MIR2052HG: variants seen among roughly 807,000 people sequenced by gnomAD.
The protein encoded by MIR2052HG is MIR2052 host gene.
intron 2 of MIR2052HG, among the ~76,000 whole-genome samples, chr8:74,648,786 G>A (rs1188417059): frequency 1.3e-5 from 2 of 151,968 alleles, no homozygotes; most frequent in East Asian, 3.8e-4. Context: ...CTGCAAGGAA[G>A]ACAATACTTT....
chr8:74,639,239 C>T (rs547278226), intron 2 of MIR2052HG, among the ~76,000 whole-genome samples: 1 of 152,224 alleles, frequency 6.6e-6, no homozygotes, highest in East Asian at 1.9e-4. Flanking sequence ...ATTTTCAATT[C>T]CTCTGTAGAA....
intron 2 of MIR2052HG, among the ~76,000 whole-genome samples, chr8:74,664,165 T>C (rs1258155424): frequency 6.6e-6 from 1 of 150,712 alleles, no homozygotes; most frequent in Non-Finnish European, 1.5e-5. Flanking sequence ...AAAAAAACTA[T>C]GTATTGCGTA....
At chr8:74,751,578 G>T (rs1194807284) in intron 4 of MIR2052HG, among the ~76,000 whole-genome samples, 1 of 152,172 alleles carries the variant, frequency 6.6e-6, no homozygotes, top group East Asian at 1.9e-4. Flanking sequence ...AGAAACAGTG[G>T]TTCAGTATTT....
chr8:74,623,339 T>G (rs753750129), intron 2 of MIR2052HG, among the ~76,000 whole-genome samples: 5 of 152,188 alleles, frequency 3.3e-5, no homozygotes, highest in Non-Finnish European at 7.3e-5. Flanking sequence ...GGGGACATTT[T>G]ACACGGAGGG....
At chr8:74,643,756 C>T (rs1157237017) in intron 2 of MIR2052HG, among the ~76,000 whole-genome samples, 1 of 152,080 alleles carries the variant, frequency 6.6e-6, no homozygotes, top group African/African-American at 2.4e-5. Flanking sequence ...TCTTAAATTC[C>T]TACCCTTCCC....
In MIR2052HG at chr8:74,654,736, A is replaced by G. The variant is rs144654876; in HGVS notation, n.216+41796A>G. On this transcript the variant is annotated intron_variant and non_coding_transcript_variant, in intron 2 of 6. Transcript: ENST00000523442. ...TTTATTAGCAGTGTGAAAATGGGCT[A>G]ATATAGTAAATTGGTATCAGGAGTA... 2.0e-5 allele frequency among the ~76,000 whole-genome samples: 3 copies of G among 152,234 alleles called. No individual in the cohort carries two copies. In the East Asian group the frequency reaches 5.8e-4, roughly 29 times the overall value.
intron 2 of MIR2052HG, among the ~76,000 whole-genome samples, chr8:74,664,127 G>A (rs1808894849): frequency 6.6e-6 from 1 of 151,412 alleles, no homozygotes. Context: ...TCAGAAGGGA[G>A]AGAGTGGGAA....
intron 1 of MIR2052HG, chr8:74,612,723 C>G: frequency 5.7e-6 from 2 of 350,084 alleles, no homozygotes; most frequent in East Asian, 1.5e-4. Context: ...TCTTAAAAGT[C>G]ATTTTATGCT....
chr8:74,661,801 A>T (rs1808868488), intron 2 of MIR2052HG, among the ~76,000 whole-genome samples: 1 of 152,152 alleles, frequency 6.6e-6, no homozygotes, highest in Admixed American at 6.6e-5. Flanking sequence ...GTATATTTTT[A>T]TGTCCCCTTG....
chr8:74,645,288 CTTT>C (rs1184162899), intron 2 of MIR2052HG, among the ~76,000 whole-genome samples: 3 of 144,142 alleles, frequency 2.1e-5, no homozygotes, highest in East Asian at 2.0e-4. Flanking sequence ...TCTTTTCTTT[CTTT>C]TTTTTTTTTT....
In MIR2052HG at chr8:74,650,810, C is replaced by T. The variant is rs77013265; in HGVS notation, n.216+37870C>T. 7.8e-3 allele frequency among the ~76,000 whole-genome samples: 1,185 copies of T among 152,266 alleles called. 13 individuals are homozygous for T. Among genetic ancestry groups the T allele is most frequent in the Admixed American group, 0.025 (389 of 15,288 alleles). ...TCTACTAAAAGACAAAATGAAGGTG[C>T]ATTTTATTTCAGGCTCTCAGTCTGG... On this transcript the variant is annotated intron_variant and non_coding_transcript_variant, in intron 2 of 6. Transcript: ENST00000523442.
intron 1 of MIR2052HG, chr8:74,612,753 A>G (rs548392133): frequency 9.2e-5 from 35 of 380,920 alleles, no homozygotes; most frequent in African/African-American, 7.0e-4. Context: ...TATTGCTTTT[A>G]ATACATTTTA....
At chr8:74,660,043 A>G (rs946571663) in intron 2 of MIR2052HG, among the ~76,000 whole-genome samples, 2 of 152,202 alleles carry the variant, frequency 1.3e-5, no homozygotes, top group Non-Finnish European at 2.9e-5. Context: ...GAAGAAATCC[A>G]TGCACCTGAG....
At chr8:74,614,450 C>A (rs1007682613) in intron 2 of MIR2052HG, among the ~76,000 whole-genome samples, 3 of 152,034 alleles carry the variant, frequency 2.0e-5, no homozygotes, top group African/African-American at 7.2e-5. Context: ...TATATTGGTG[C>A]TTTTAAATTC....
intron 2 of MIR2052HG, among the ~76,000 whole-genome samples, chr8:74,684,274 T>G (rs946819278): frequency 6.6e-6 from 1 of 151,840 alleles, no homozygotes; most frequent in Non-Finnish European, 1.5e-5. Flanking sequence ...AGCCTCCATA[T>G]TCTTCTGGGA....
rs1807997552 is a variant in MIR2052HG at position 74,601,343 on chromosome 8, G to A, written n.128+1435G>A. Among the ~76,000 whole-genome samples, 5 of 152,294 alleles carry A rather than the reference G, an allele frequency of 3.3e-5. No homozygotes were observed. In the South Asian group the frequency reaches 1.0e-3, roughly 32 times the overall value. ...TTCTCATTTTGGTGTCTTTGTTCAT[G>A]CTATTCTGTATAAGAGAGTGTGCCC... On this transcript the variant is annotated intron_variant and non_coding_transcript_variant, in intron 1 of 6. Transcript: ENST00000523442.
intron 5 of MIR2052HG, among the ~76,000 whole-genome samples, chr8:74,754,177 A>G (rs1390569469): frequency 6.6e-6 from 1 of 152,228 alleles, no homozygotes; most frequent in Non-Finnish European, 1.5e-5. Flanking sequence ...ATAAAACAAT[A>G]CTTGTAAAAC....
chr8:74,643,688 A>C (rs1225048543), intron 2 of MIR2052HG, among the ~76,000 whole-genome samples: 1 of 152,176 alleles, frequency 6.6e-6, no homozygotes, highest in South Asian at 2.1e-4. Flanking sequence ...AAAATATTAG[A>C]AGCATTTTTT....
chr8:74,721,684 A>G (rs1264933985), intron 4 of MIR2052HG, among the ~76,000 whole-genome samples: 1 of 152,232 alleles, frequency 6.6e-6, no homozygotes, highest in African/African-American at 2.4e-5. Flanking sequence ...CAGGCCTTTG[A>G]AGGGCGAGGC....
Sources: allele counts gnomAD v4.1 joint callset (sites outside exome capture counted in the v4.1 genomes callset), GRCh38; gene constraint gnomAD v4.1.1; transcripts MANE v1.5; gene names NCBI Gene and HGNC (gene_info 2026-07-23, HGNC 2026-07-21).